Variants in INSYN1 observed in about 807,000 individuals in gnomAD.
INSYN1 encodes UPF0583 protein C15orf59.
INSYN1 carries 7 observed loss-of-function variants against 17.1 expected under a neutral mutation model. The observed-to-expected ratio is 0.41, with a 90% CI of 0.23 to 0.77. The LOEUF (loss-of-function observed/expected upper bound fraction) is 0.77, where lower values mean the gene tolerates loss of function less well. Among genes scored for constraint, INSYN1 ranks in the 30% least tolerant of loss-of-function variants. The pLI, the probability that INSYN1 is intolerant of heterozygous loss-of-function variation, is 0.32. For missense variants in INSYN1, 339 were observed against 400.6 expected, an observed-to-expected ratio of 0.85 and a Z score of 1.31; for synonymous variants, 174 against 166.3, an observed-to-expected ratio of 1.05 and a Z score of -0.36.
chr15:73,741,544 T>C (rs1302086709), intron 2 of INSYN1, among the ~76,000 whole-genome samples: 1 of 151,858 alleles, frequency 6.6e-6, no homozygotes, highest in African/African-American at 2.4e-5. Flanking sequence ...TGTCAGCACA[T>C]AAATCAGGGA....
At position 73,751,119 on chromosome 15, in the gene INSYN1, C is replaced by G; in HGVS notation, c.12G>C (p.Arg4=). 6.2e-7 allele frequency: 1 copy of G among 1,613,800 alleles called. No homozygotes were observed. Among genetic ancestry groups the G allele is most frequent in the Non-Finnish European group, 8.5e-7 (1 of 1,180,014 alleles). MNI[R]GAPDLGQPSD... ...TGGGCTGCCCGAGGTCCGGGGCGCC[C>G]CGAATGTTCATCGTTTACCACGTGG... Residue 4 remains arginine, a synonymous_variant, in exon 2 of 3, where the codon CGG becomes CGC. Coordinates refer to ENST00000569673, the MANE Select transcript of INSYN1 (RefSeq NM_001039614.3).
intron 2 of INSYN1, among the ~76,000 whole-genome samples, chr15:73,744,740 G>C (rs1261686982): frequency 1.3e-5 from 2 of 152,140 alleles, no homozygotes; most frequent in African/African-American, 2.4e-5. Context: ...AGGAAAGAGA[G>C]GGGGAGAGAG....
In INSYN1 at chr15:73,739,591, G is replaced by C. The variant is rs577265189; in HGVS notation, c.*326C>G. 6.5e-6 allele frequency: 1 copy of C among 152,718 alleles called. No individual in the cohort carries two copies. Among genetic ancestry groups the C allele is most frequent in the East Asian group, 1.9e-4 (1 of 5,158 alleles). The allele number at this position is 152,718 out of a possible 1,614,324, so 9.5% of individuals were successfully genotyped here. ...AGGACATGGCCCTGGCCATCAGCCA[G>C]ACTCCACCACAGAGTTCAGGGGCTA... is the stretch of plus-strand genomic sequence containing the variant. On this transcript the variant is annotated 3_prime_UTR_variant, in exon 3 of 3. Transcript: ENST00000569673.
intron 2 of INSYN1, among the ~76,000 whole-genome samples, chr15:73,741,127 C>G (rs981362775): frequency 1.3e-5 from 2 of 152,168 alleles, no homozygotes; most frequent in African/African-American, 4.8e-5. Flanking sequence ...CAAGGAAGAC[C>G]CTGTGTGGGC....
At position 73,751,175 on chromosome 15, in the gene INSYN1, G is replaced by A; in HGVS notation, c.-45C>T. 1 of 1,606,766 alleles carries A rather than the reference G, an allele frequency of 6.2e-7. No homozygotes were observed. The highest frequency in any genetic ancestry group is 1.1e-5 in the South Asian group (1 of 90,754). ...GGCCTGCCCATACTCCCCCCAGCTG[G>A]GCACACACTGCGTCTGCCTCCACGG... On this transcript the variant is annotated 5_prime_UTR_variant, in exon 2 of 3. Transcript: ENST00000569673.
chr15:73,750,853 C>A (rs1224443860), intron 2 of INSYN1, 122 bp downstream of exon 2: 4 of 1,074,490 alleles, frequency 3.7e-6, no homozygotes, highest in Non-Finnish European at 5.6e-6. Flanking sequence ...AGAAGGTCCC[C>A]AGTAGAGTGA....
At chr15:73,743,366 G>C (rs1901736311) in intron 2 of INSYN1, among the ~76,000 whole-genome samples, 1 of 152,312 alleles carries the variant, frequency 6.6e-6, no homozygotes, top group Non-Finnish European at 1.5e-5. Flanking sequence ...AACCTGGGGG[G>C]ATGGAGGAAA....
At position 73,752,752 on chromosome 15, in the gene INSYN1, C is replaced by T. The variant is rs1902024703; in HGVS notation, c.-1210G>A. On this transcript the variant is annotated 5_prime_UTR_variant, in exon 1 of 3. Coordinates refer to ENST00000569673, the MANE Select transcript of INSYN1 (RefSeq NM_001039614.3). This position sits in a 1 kb window ranked among gnomAD's most constrained non-coding sequence, Gnocchi z 5.2. ...GCGAGACCGCTCCCACGGCTCAGTTCACGTTCCGAAAGGTCCGGAATCCAC... is the reference window on the plus strand; with the variant it reads ...GCGAGACCGCTCCCACGGCTCAGTTTACGTTCCGAAAGGTCCGGAATCCAC... 1 of 151,850 alleles carries T rather than the reference C, an allele frequency of 6.6e-6. No individual in the cohort carries two copies. Among genetic ancestry groups the T allele is most frequent in the Non-Finnish European group, 1.5e-5 (1 of 67,932 alleles). 9.4% of individuals were successfully genotyped at this position (151,850 alleles called of 1,614,324 possible). A position where few individuals can be genotyped will look rare whatever the true frequency, so the allele number is the denominator to read the frequency against.
Position 73,750,567 on chromosome 15 carries a change from T to C in INSYN1, c.156+408A>G, listed in dbSNP as rs2141473378. Among the ~76,000 whole-genome samples, 2 of 152,296 alleles carry C rather than the reference T, an allele frequency of 1.3e-5. 1 individual carries two copies. The highest frequency in any genetic ancestry group is 4.1e-4 in the South Asian group (2 of 4,828). ...TGGAAACCACCTCAGCACAACTATC[T>C]GCACTCTCCCAGGGTCCCTTGTGAC... On this transcript the variant is annotated intron_variant, in intron 2 of 2. Coordinates refer to ENST00000569673, the MANE Select transcript of INSYN1 (RefSeq NM_001039614.3).
intron 2 of INSYN1, among the ~76,000 whole-genome samples, chr15:73,748,192 A>C (rs1298663865): frequency 6.6e-6 from 1 of 152,138 alleles, no homozygotes; most frequent in East Asian, 1.9e-4. Context: ...CTGGGGAGGA[A>C]GTGCTTTGGT....
Position 73,740,317 on chromosome 15 carries a change from C to T in INSYN1, c.482G>A (p.Ser161Asn). ...GPRVETPDSSSEEAFGAGPTV... is the reference protein window; with the variant it reads ...GPRVETPDSSNEEAFGAGPTV... ...GGGGCCAGCACCAAAGGCCTCCTCA[C>T]TGGAGGAGTCTGGGGTCTCCACTCG... Residue 161 changes from serine to asparagine, a missense_variant, in exon 3 of 3, where the codon AGT (serine) becomes AAT (asparagine). Coordinates refer to ENST00000569673, the MANE Select transcript of INSYN1 (RefSeq NM_001039614.3). 6.2e-7 allele frequency: 1 copy of T among 1,611,684 alleles called. No homozygotes were observed. The highest frequency in any genetic ancestry group is 1.1e-5 in the South Asian group (1 of 90,714).
In INSYN1 at chr15:73,751,855, C is replaced by A. The variant is rs533155878; in HGVS notation, c.-567-158G>T. Reference sequence around the variant, plus strand: ...TGGAGGCAGACGGTTTACAGCACAGCCCCTCCTCTAGAGGGAAAGGGAGGG... The same window carrying A: ...TGGAGGCAGACGGTTTACAGCACAGACCCTCCTCTAGAGGGAAAGGGAGGG... On this transcript the variant is annotated intron_variant, in intron 1 of 2. Transcript: ENST00000569673. Among the ~76,000 whole-genome samples, 279 of 152,150 alleles carry A rather than the reference C, an allele frequency of 1.8e-3. 2 individuals are homozygous for A. The highest frequency in any genetic ancestry group is 6.3e-3 in the African/African-American group (261 of 41,508).
At position 73,737,741 on chromosome 15, in the gene INSYN1, C is replaced by T. The variant is rs937832230; in HGVS notation, c.*2176G>A. On this transcript the variant is annotated 3_prime_UTR_variant, in exon 3 of 3. Transcript: ENST00000569673. Reference sequence around the variant, plus strand: ...CCTGTACAATCTCACTGTATGTCCACAGCCGGGGCTGGATAGCACCTCTTC... The same window carrying T: ...CCTGTACAATCTCACTGTATGTCCATAGCCGGGGCTGGATAGCACCTCTTC... 10 of 152,478 alleles carry T rather than the reference C, an allele frequency of 6.6e-5. No homozygotes were observed. The highest frequency in any genetic ancestry group is 2.4e-4 in the African/African-American group (10 of 41,590). 9.4% of individuals were successfully genotyped at this position (152,478 alleles called of 1,614,324 possible). A position where few individuals can be genotyped will look rare whatever the true frequency, so the allele number is the denominator to read the frequency against.
chr15:73,749,959 C>T (rs1369224694), intron 2 of INSYN1, among the ~76,000 whole-genome samples: 1 of 152,196 alleles, frequency 6.6e-6, no homozygotes, highest in Non-Finnish European at 1.5e-5. Flanking sequence ...CATCACCCCA[C>T]CTCTTCAGCC....
rs1902021090 is a variant in INSYN1, at chr15:73,752,601, G to C, written c.-1059C>G. ...TCTGCCCTGCCCTACCCCGCCCGGAGTGAGCTGGCACCGCCGGGCGCCCGG... is the reference window on the plus strand; with the variant it reads ...TCTGCCCTGCCCTACCCCGCCCGGACTGAGCTGGCACCGCCGGGCGCCCGG... On this transcript the variant is annotated 5_prime_UTR_variant, in exon 1 of 3. Coordinates refer to ENST00000569673, the MANE Select transcript of INSYN1 (RefSeq NM_001039614.3). The surrounding 1 kb of genome is among the most constrained non-coding windows in gnomAD (Gnocchi z 5.2). The C allele has an allele frequency of 1.3e-5, 2 of 152,252 alleles. No individual in the cohort carries two copies. Among genetic ancestry groups the C allele is most frequent in the African/African-American group, 4.8e-5 (2 of 41,432 alleles). The allele number at this position is 152,252 out of a possible 1,614,324, so 9.4% of individuals were successfully genotyped here.
At chr15:73,748,489 G>A (rs956984100) in intron 2 of INSYN1, among the ~76,000 whole-genome samples, 1 of 152,170 alleles carries the variant, frequency 6.6e-6, no homozygotes, top group Admixed American at 6.5e-5. Flanking sequence ...TGCTGCCCAG[G>A]TCATGGGGTG....
chr15:73,748,396 C>G (rs1567037172), intron 2 of INSYN1, among the ~76,000 whole-genome samples: 1 of 152,190 alleles, frequency 6.6e-6, no homozygotes, highest in East Asian at 1.9e-4. Context: ...CCCCCCACCC[C>G]CAACAGTCTT....
At chr15:73,740,697 C>T in intron 2 of INSYN1, 55 bp from the exon 3 acceptor site, 2 of 1,404,236 alleles carry the variant, frequency 1.4e-6, no homozygotes, top group East Asian at 2.3e-5. Context: ...CCTGCATCAG[C>T]CAGGTGTGAG....
rs975295593 is a variant in INSYN1 at position 73,752,346 on chromosome 15, G to C, written c.-804C>G. 2.0e-5 allele frequency: 3 copies of C among 152,296 alleles called. No individual in the cohort carries two copies. The highest frequency in any genetic ancestry group is 4.4e-5 in the Non-Finnish European group (3 of 68,132). 9.4% of individuals were successfully genotyped at this position (152,296 alleles called of 1,614,324 possible). A position where few individuals can be genotyped will look rare whatever the true frequency, so the allele number is the denominator to read the frequency against. ...ATCTTTCTCAAGCCTCTCCAGGCTC[G>C]GGGTCGGGAATGAGCGAGGGTCCGG... On this transcript the variant is annotated 5_prime_UTR_variant, in exon 1 of 3. Coordinates refer to ENST00000569673, the MANE Select transcript of INSYN1 (RefSeq NM_001039614.3). This position sits in a 1 kb window ranked among gnomAD's most constrained non-coding sequence, Gnocchi z 5.2.
Sources: allele counts gnomAD v4.1 joint callset (sites outside exome capture counted in the v4.1 genomes callset), GRCh38; gene constraint gnomAD v4.1.1; non-coding constraint Gnocchi (gnomAD v3.1); transcripts MANE v1.5; gene names NCBI Gene and HGNC (gene_info 2026-07-23, HGNC 2026-07-21).